ADGRB3: variants seen among roughly 807,000 people sequenced by gnomAD.
ADGRB3 encodes the protein brain-specific angiogenesis inhibitor 3.
Under a neutral mutation model 193.4 loss-of-function variants are expected in ADGRB3, and 37 were observed. That is an observed-to-expected ratio of 0.19 (90% CI 0.15 to 0.25). ADGRB3 has a LOEUF of 0.25. ADGRB3 is among the 10% of genes least tolerant of loss of function. The pLI, the probability that ADGRB3 is intolerant of heterozygous loss-of-function variation, is 1.00. For synonymous variants in ADGRB3, 690 were observed against 644.2 expected (o/e 1.07, Z -1.08); for missense variants, 1,637 against 1,852.9 (o/e 0.88, Z 2.14).
intron 13 of ADGRB3, among the ~76,000 whole-genome samples, chr6:69,040,353 CTTTCTTTCTTTCTTTCTTTCTTTCCT>C (rs1562133170): frequency 1.9e-3 from 104 of 56,216 alleles, no homozygotes; most frequent in South Asian, 8.2e-3. Flanking sequence ...TTCTTTCTTT[CTTTCTTTCTTTCTTTCTTTCTTTCCT>C]TCTCTCTCTT....
At chr6:68,749,862 A>G (rs1439640641) in intron 3 of ADGRB3, among the ~76,000 whole-genome samples, 3 of 152,156 alleles carry the variant, frequency 2.0e-5, no homozygotes, top group African/African-American at 7.2e-5. Context: ...TGACACTACA[A>G]TAATGTAGGA....
At chr6:69,027,488 ATAG>A in intron 13 of ADGRB3, among the ~76,000 whole-genome samples, 1 of 152,348 alleles carries the variant, frequency 6.6e-6, no homozygotes, top group East Asian at 1.9e-4. Flanking sequence ...AATGTACAGT[ATAG>A]TAAATACTAA....
chr6:68,711,332 GT>G (rs1765405692), intron 3 of ADGRB3, among the ~76,000 whole-genome samples: 1 of 151,926 alleles, frequency 6.6e-6, no homozygotes, highest in South Asian at 2.1e-4. Flanking sequence ...TTACAAAGAA[GT>G]TTTCAAAAAC....
chr6:68,759,107 AC>A (rs1396183255), intron 3 of ADGRB3, among the ~76,000 whole-genome samples: 1 of 152,010 alleles, frequency 6.6e-6, no homozygotes, highest in Non-Finnish European at 1.5e-5. Flanking sequence ...AAAGCAAGCA[AC>A]CTCCCTTGAT....
At chr6:68,910,274 T>A (rs910658157) in intron 3 of ADGRB3, among the ~76,000 whole-genome samples, 1 of 152,210 alleles carries the variant, frequency 6.6e-6, no homozygotes, top group Non-Finnish European at 1.5e-5. Context: ...TCTTGTTAAT[T>A]TGTTTGAGTT....
chr6:69,371,086 C>T (rs1402679767), intron 29 of ADGRB3, among the ~76,000 whole-genome samples: 2 of 152,112 alleles, frequency 1.3e-5, no homozygotes, highest in Admixed American at 1.3e-4. Flanking sequence ...AGTCTCCTTT[C>T]AGCCCTCTCC....
At chr6:68,910,172 T>C (rs1342681553) in intron 3 of ADGRB3, among the ~76,000 whole-genome samples, 1 of 152,236 alleles carries the variant, frequency 6.6e-6, no homozygotes, top group Non-Finnish European at 1.5e-5. Context: ...ATGAGCATTT[T>C]TTCATGTGTC....
chr6:68,805,467 G>T (rs564281829), intron 3 of ADGRB3, among the ~76,000 whole-genome samples: 2 of 152,172 alleles, frequency 1.3e-5, no homozygotes, highest in East Asian at 1.9e-4. Context: ...AAATTGAATG[G>T]TTCAGTGAGC....
chr6:68,800,623 A>T (rs1206141591), intron 3 of ADGRB3, among the ~76,000 whole-genome samples: 4 of 152,136 alleles, frequency 2.6e-5, no homozygotes, highest in African/African-American at 9.7e-5. Context: ...CCTATCTGTG[A>T]ATTTCAGTGA....
At position 68,790,197 on chromosome 6, in the gene ADGRB3, C is replaced by T. The variant is rs10223346; in HGVS notation, c.758-140362C>T. On this transcript the variant is annotated intron_variant, in intron 3 of 31. Transcript: ENST00000370598. ...ATCACCAGGGTATCCTTGTTTCTGC[C>T]CAACAGAGACAAAATTGCTAGCACA... Among the ~76,000 whole-genome samples the T allele has an allele frequency of 6.9e-3, 1,055 of 152,166 alleles. 20 individuals carry two copies. The highest frequency in any genetic ancestry group is 0.024 in the African/African-American group (1,012 of 41,492).
chr6:69,322,947 A>G (rs1467079581), intron 20 of ADGRB3, among the ~76,000 whole-genome samples: 1 of 152,002 alleles, frequency 6.6e-6, no homozygotes, highest in East Asian at 1.9e-4. Context: ...ACGAAGAGGC[A>G]TGATTATTGA....
intron 6 of ADGRB3, among the ~76,000 whole-genome samples, chr6:68,953,063 T>G (rs983283547): frequency 2.0e-5 from 3 of 152,138 alleles, no homozygotes; most frequent in African/African-American, 7.2e-5. Context: ...CTTCCTAATA[T>G]CATCTCAGCA....
At chr6:68,922,556 C>T (rs186768226) in intron 3 of ADGRB3, among the ~76,000 whole-genome samples, 1 of 152,328 alleles carries the variant, frequency 6.6e-6, no homozygotes, top group Admixed American at 6.5e-5. Context: ...AGGTCTTCTA[C>T]AACTCTTGGT....
chr6:69,148,175 G>C (rs751866078), intron 17 of ADGRB3, among the ~76,000 whole-genome samples: 2 of 151,962 alleles, frequency 1.3e-5, no homozygotes, highest in Non-Finnish European at 2.9e-5. Flanking sequence ...TTTGTTATTT[G>C]TTTTCTGGTT....
chr6:68,731,600 G>T (rs1398243020), intron 3 of ADGRB3, among the ~76,000 whole-genome samples: 1 of 151,274 alleles, frequency 6.6e-6, no homozygotes, highest in African/African-American at 2.4e-5. Flanking sequence ...ATCATTAATG[G>T]TCAAGCTCCT....
At position 69,382,875 on chromosome 6, in the gene ADGRB3, A is replaced by G. The variant is rs1769981528; in HGVS notation, c.4320A>G (p.Glu1440=). 3.1e-6 allele frequency: 5 copies of G among 1,609,548 alleles called. No individual in the cohort carries two copies. Among genetic ancestry groups the G allele is most frequent in the Non-Finnish European group, 4.2e-6 (5 of 1,177,578 alleles). Residue 1440 remains glutamate, a synonymous_variant, in exon 31 of 32, where the codon GAA becomes GAG. Coordinates refer to ENST00000370598, the MANE Select transcript of ADGRB3 (RefSeq NM_001704.3). ...TRKRHMELFQ[E]LNQKFQTLDR... Reference sequence around the variant, plus strand: ...AGAGGCATATGGAACTATTTCAAGAACTAAATCAGAAATTTCAAACTTTGG... The same window carrying G: ...AGAGGCATATGGAACTATTTCAAGAGCTAAATCAGAAATTTCAAACTTTGG...
chr6:69,377,545 A>T (rs1769855832), intron 30 of ADGRB3, among the ~76,000 whole-genome samples: 1 of 152,094 alleles, frequency 6.6e-6, no homozygotes, highest in Non-Finnish European at 1.5e-5. Flanking sequence ...GGTTCATCTT[A>T]GCCGATATGG....
chr6:68,710,442 A>G (rs1323105590), intron 3 of ADGRB3, among the ~76,000 whole-genome samples: 1 of 152,052 alleles, frequency 6.6e-6, no homozygotes, highest in African/African-American at 2.4e-5. Flanking sequence ...TTTCTTAATG[A>G]CAAATGCCAT....
At chr6:69,225,437 G>C (rs1765988295) in intron 17 of ADGRB3, among the ~76,000 whole-genome samples, 1 of 151,990 alleles carries the variant, frequency 6.6e-6, no homozygotes, top group African/African-American at 2.4e-5. Context: ...TCCTAACTTT[G>C]GCTGTGCTCT....
Sources: allele counts gnomAD v4.1 joint callset (sites outside exome capture counted in the v4.1 genomes callset), GRCh38; gene constraint gnomAD v4.1.1; transcripts MANE v1.5; gene names NCBI Gene and HGNC (gene_info 2026-07-23, HGNC 2026-07-21).